BAIAP2L2: variants seen among roughly 807,000 people sequenced by gnomAD.
The protein encoded by BAIAP2L2 is BAR/IMD domain-containing adapter protein 2-like 2.
Under a neutral mutation model 60.4 loss-of-function variants are expected in BAIAP2L2, and 65 were observed. That is an observed-to-expected ratio of 1.08 (90% CI 0.88 to 1.32). The LOEUF (loss-of-function observed/expected upper bound fraction) is 1.32. Among genes scored for constraint, BAIAP2L2 ranks in the 40% most tolerant of loss-of-function variants. BAIAP2L2 has a pLI of 0.00. For synonymous variants in BAIAP2L2, 344 were observed against 301.7 expected (o/e 1.14, Z -1.45); for missense variants, 836 against 741.2 (o/e 1.13, Z -1.48).
At chr22:38,090,517 C>CTCT (rs132927) in intron 7 of BAIAP2L2, 60,066 of 151,782 alleles carry the variant, frequency 0.4, 13,450 homozygotes, top group South Asian at 0.57. Flanking sequence ...AGATCGCTCC[C>CTCT]TCTTTTCAAA....
chr22:38,107,974 C>A, intron 3 of BAIAP2L2, 61 bp from the exon 4 acceptor site: 1 of 1,544,558 alleles, frequency 6.5e-7, no homozygotes, highest in Non-Finnish European at 8.9e-7. Flanking sequence ...CCACCCACCA[C>A]CCTCTTCCGC....
intron 6 of BAIAP2L2, 100 bp from the exon 7 acceptor site, chr22:38,097,278 A>T: frequency 1.4e-6 from 2 of 1,382,490 alleles, no homozygotes; most frequent in Non-Finnish European, 2.0e-6. Flanking sequence ...GTTCTTCCTG[A>T]CTGCCCTCTC....
chr22:38,108,713 G>A (rs2086722467), intron 2 of BAIAP2L2, among the ~76,000 whole-genome samples: 1 of 152,060 alleles, frequency 6.6e-6, no homozygotes, highest in Admixed American at 6.6e-5. Context: ...TGTGGGTGGT[G>A]GCCAGTTGAA....
At chr22:38,087,890 A>ACCCCC (rs397824711) in intron 10 of BAIAP2L2, among the ~76,000 whole-genome samples, 6 of 115,860 alleles carry the variant, frequency 5.2e-5, no homozygotes, top group African/African-American at 2.1e-4. Context: ...CCAGTCAGTG[A>ACCCCC]CCCCCCCCCC....
chr22:38,092,763 GAGGTGGGA>G (rs2086336132), intron 7 of BAIAP2L2, among the ~76,000 whole-genome samples: 1 of 111,730 alleles, frequency 9.0e-6, no homozygotes, highest in Non-Finnish European at 1.8e-5. Context: ...CCCAGTGTTG[GAGGTGGGA>G]TCTAGTGGGA....
At chr22:38,103,456 A>G (rs2086604632) in intron 4 of BAIAP2L2, among the ~76,000 whole-genome samples, 2 of 152,240 alleles carry the variant, frequency 1.3e-5, no homozygotes, top group South Asian at 4.1e-4. Context: ...ACAAAAAGTA[A>G]AAACAGGGCT....
At chr22:38,087,077 C>CG in intron 11 of BAIAP2L2, 47 bp downstream of exon 11, 8 of 1,481,636 alleles carry the variant, frequency 5.4e-6, no homozygotes, top group Non-Finnish European at 7.2e-6. Context: ...GCAGTGACAC[C>CG]CTTGCCGGCG....
intron 10 of BAIAP2L2, among the ~76,000 whole-genome samples, chr22:38,087,495 C>A (rs1264097772): frequency 6.6e-6 from 1 of 152,054 alleles, no homozygotes; most frequent in East Asian, 1.9e-4. Flanking sequence ...AACGATGGTC[C>A]CAGAACATCC....
At chr22:38,107,369 G>C (rs751458168) in intron 4 of BAIAP2L2, among the ~76,000 whole-genome samples, 1 of 152,130 alleles carries the variant, frequency 6.6e-6, no homozygotes, top group Non-Finnish European at 1.5e-5. Flanking sequence ...CACTCTTCCG[G>C]GGGGCTGGGC....
chr22:38,090,189 C>G (rs2086262841), intron 7 of BAIAP2L2: 1 of 144,564 alleles, frequency 6.9e-6, no homozygotes, highest in Admixed American at 7.4e-5. Context: ...CGGCTCACTG[C>G]AAGCTCCGCC....
intron 7 of BAIAP2L2, among the ~76,000 whole-genome samples, chr22:38,091,951 A>C (rs1252938451): frequency 1.3e-5 from 2 of 152,238 alleles, no homozygotes; most frequent in Admixed American, 1.3e-4. Flanking sequence ...TACCATTTTT[A>C]CCTTTCTAAT....
chr22:38,100,012 G>A (rs2086532491), intron 4 of BAIAP2L2, among the ~76,000 whole-genome samples: 1 of 152,230 alleles, frequency 6.6e-6, no homozygotes, highest in Non-Finnish European at 1.5e-5. Flanking sequence ...AAGGGAGCTT[G>A]AGGGTGCCTC....
rs1325006363 is a variant in BAIAP2L2, at chr22:38,088,963, G to T, written c.903C>A (p.Ser301=). 2.0e-6 allele frequency: 3 copies of T among 1,517,970 alleles called. No homozygotes were observed. The highest frequency in any genetic ancestry group is 2.8e-5 in the African/African-American group (2 of 71,672). 94.0% of individuals were successfully genotyped at this position (1,517,970 alleles called of 1,614,324 possible). The change falls in exon 10 of 14, where the codon TCC becomes TCA. Residue 301 remains serine, a splice_region_variant and synonymous_variant. Coordinates refer to ENST00000381669, the MANE Select transcript of BAIAP2L2 (RefSeq NM_025045.6). The stretch of plus-strand genomic sequence containing the variant: ...TTTGGGCGCTGCCGCTGTAGAGCGA[G>T]GCTGTGGGCGGGAGAGCGCGGCGGC... ...RRSLPRTPSA[S]SLYSGSAQSS...
chr22:38,094,464 G>A (rs1350510403), intron 7 of BAIAP2L2, among the ~76,000 whole-genome samples: 12 of 152,170 alleles, frequency 7.9e-5, no homozygotes, highest in Non-Finnish European at 7.3e-5. Flanking sequence ...GGGATTACAG[G>A]TGTGAGCCAC....
At position 38,085,323 on chromosome 22, in the gene BAIAP2L2, G is replaced by C. The variant is rs779817371; in HGVS notation, c.1567C>G (p.Arg523Gly). The change falls in exon 14 of 14, where the codon CGC becomes GGC. Residue 523 changes from arginine (R) to glycine (G), a missense_variant. Transcript: ENST00000381669. ...VKLRPTITND[R>G]SAPLIR ...CCTCAGCGGATGAGGGGTGCTGAGC[G>C]GTCATTGGTGATGGTGGGACGAAGC... 6.2e-7 allele frequency: 1 copy of C among 1,614,034 alleles called. No individual in the cohort carries two copies. The highest frequency in any genetic ancestry group is 1.7e-5 in the Admixed American group (1 of 60,014).
In BAIAP2L2 at chr22:38,104,085, C is replaced by G. The variant is rs112346798; in HGVS notation, c.276+3767G>C. Among the ~76,000 whole-genome samples the G allele has an allele frequency of 2.6e-3, 400 of 152,276 alleles. 4 individuals are homozygous for G. Among genetic ancestry groups the G allele is most frequent in the African/African-American group, 9.3e-3 (386 of 41,544 alleles). On this transcript the variant is annotated intron_variant, in intron 4 of 13. Coordinates refer to ENST00000381669, the MANE Select transcript of BAIAP2L2 (RefSeq NM_025045.6). ...GGGCACAAATTCATTATCTTGGAAC[C>G]TGATGAATAAAGGGAATGAATGAAA...
chr22:38,089,203 G>T lies in BAIAP2L2; in HGVS notation c.794C>A (p.Ser265Tyr), dbSNP rs1166265177. ...GCCGGAGCCGTGCCGGCTGCGGGGGGAGCTGAACTCTCCCAGGGGCCTCGG... is the reference window on the plus strand; with the variant it reads ...GCCGGAGCCGTGCCGGCTGCGGGGGTAGCTGAACTCTCCCAGGGGCCTCGG... Reference protein sequence around the residue: ...MPPRPLGEFSSPRSRHGSGSY... With the variant: ...MPPRPLGEFSYPRSRHGSGSY... The change falls in exon 9 of 14, where the codon TCC becomes TAC. Residue 265 changes from serine to tyrosine, a missense_variant. Coordinates refer to ENST00000381669, the MANE Select transcript of BAIAP2L2 (RefSeq NM_025045.6). The T allele has an allele frequency of 8.1e-7, 1 of 1,241,516 alleles. No individual in the cohort carries two copies. Among genetic ancestry groups the T allele is most frequent in the East Asian group, 3.5e-5 (1 of 28,416 alleles). The allele number at this position is 1,241,516 out of a possible 1,614,324, so 76.9% of individuals were successfully genotyped here.
rs753375935 is a variant in BAIAP2L2, at chr22:38,097,230, C to T, written c.466-52G>A. On this transcript the variant is annotated intron_variant, in intron 6 of 13. Transcript: ENST00000381669. Reference sequence around the variant, plus strand: ...GGGGCGGTGGGTGTGTCTCATCCCACCCCCCTCGCCCACAGGCGCCAGCTG... The same window carrying T: ...GGGGCGGTGGGTGTGTCTCATCCCATCCCCCTCGCCCACAGGCGCCAGCTG... 42 of 1,585,690 alleles carry T rather than the reference C, an allele frequency of 2.6e-5. 1 individual carries two copies. In the Admixed American group the frequency reaches 4.9e-4, roughly 19 times the overall value.
Position 38,097,048 on chromosome 22 carries a change from AG to A in BAIAP2L2, c.595del (p.Leu199CysfsTer50), listed in dbSNP as rs1313458769. 2 of 1,613,440 alleles carry A rather than the reference AG, an allele frequency of 1.2e-6. No homozygotes were observed. The highest frequency in any genetic ancestry group is 1.7e-6 in the Non-Finnish European group (2 of 1,179,674). On this transcript the variant is annotated frameshift_variant, in exon 7 of 14. Transcript: ENST00000381669. LOFTEE classifies it high-confidence loss of function. ...CCAACTCACCCGGCCGAAGAACTGC[AG>A]GAAGGTGTTGGAAAGTAGCAGGTGC... ...EKHLLLSNTF[L>X]QFFGRARGML...
Sources: gnomAD v4.1 joint callset for allele counts (sites outside exome capture counted in the v4.1 genomes callset) on GRCh38, gnomAD v4.1.1 for gene constraint, MANE v1.5 for transcripts, NCBI Gene and HGNC (gene_info 2026-07-23, HGNC 2026-07-21) for gene names.